PLXDC1: variants seen among roughly 807,000 people sequenced by gnomAD.
PLXDC1 encodes the protein plexin domain containing 1, also known as plexin domain-containing protein 1.
Under a neutral mutation model 61.3 loss-of-function variants are expected in PLXDC1, and 39 were observed. That is an observed-to-expected ratio of 0.64 (90% confidence interval 0.49 to 0.83). The LOEUF (loss-of-function observed/expected upper bound fraction) is 0.83, where lower values mean the gene tolerates loss of function less well. Ranked by LOEUF, PLXDC1 falls within the 40% of genes least tolerant of loss-of-function variation. The pLI, the probability that PLXDC1 is intolerant of heterozygous loss-of-function variation, is 0.00. For synonymous variants in PLXDC1, 212 were observed against 254.5 expected (o/e 0.83, Z 1.59); for missense variants, 596 against 666.5 (o/e 0.89, Z 1.17).
At position 39,108,980 on chromosome 17, in the gene PLXDC1, G is replaced by C; in HGVS notation, c.400-7C>G. ...CAAAGGACAAGACCACTCTCTGCAG[G>C]GGATGGGAGAAAGTCAGCACGGGCC... is the stretch of plus-strand genomic sequence containing the variant. On this transcript the variant is annotated splice_region_variant and splice_polypyrimidine_tract_variant and intron_variant, in intron 3 of 13. Transcript: ENST00000315392. The C allele has an allele frequency of 5.0e-6, 8 of 1,609,510 alleles. No homozygotes were observed. Among genetic ancestry groups the C allele is most frequent in the Non-Finnish European group, 6.8e-6 (8 of 1,176,166 alleles).
intron 7 of PLXDC1, among the ~76,000 whole-genome samples, chr17:39,092,271 C>T (rs1364648266): frequency 6.6e-6 from 1 of 151,774 alleles, no homozygotes; most frequent in African/African-American, 2.4e-5. Context: ...GATGGGTCTC[C>T]CTGTACTACC....
At chr17:39,128,107 A>ATACATATATACACATATATATG (rs1911387079) in intron 2 of PLXDC1, among the ~76,000 whole-genome samples, 1 of 100,632 alleles carries the variant, frequency 9.9e-6, no homozygotes. Context: ...GTATATATAT[A>ATACATATATACACATATATATG]TATATATGTA....
rs1449305786 is a variant in PLXDC1 at position 39,095,376 on chromosome 17, CCCCAACCCCCCAA to C, written c.812-7687_812-7675del. ...AGAATCCTTACGCCCCGCCCCCCCC[CCCCAACCCCCCAA>C]GCCTGGGTTATTTGTTTTGGATTGT... On this transcript the variant is annotated intron_variant, in intron 7 of 13. Transcript: ENST00000315392. Among the ~76,000 whole-genome samples, 23 of 7,730 alleles carry C rather than the reference CCCCAACCCCCCAA, an allele frequency of 3.0e-3. 8 individuals carry two copies. Among genetic ancestry groups the C allele is most frequent in the African/African-American group, 4.4e-3 (8 of 1,830 alleles). The allele number at this position is 7,730 out of a possible 152,430, so 5.1% of individuals were successfully genotyped here. A position where few individuals can be genotyped will look rare whatever the true frequency, so the allele number is the denominator to read the frequency against.
At chr17:39,144,453 C>A (rs1912030984) in intron 1 of PLXDC1, among the ~76,000 whole-genome samples, 1 of 152,212 alleles carries the variant, frequency 6.6e-6, no homozygotes, top group African/African-American at 2.4e-5. Flanking sequence ...AGCCCTGAAT[C>A]TTACTCTTCC....
intron 7 of PLXDC1, among the ~76,000 whole-genome samples, chr17:39,102,944 A>C (rs1440110800): frequency 6.6e-6 from 1 of 152,060 alleles, no homozygotes; most frequent in Non-Finnish European, 1.5e-5. Context: ...ATAACTTTAT[A>C]AATGAAGATA....
upstream of PLXDC1, chr17:39,152,429 T>C: frequency 1.1e-6 from 1 of 936,918 alleles, no homozygotes; most frequent in South Asian, 5.5e-5. Flanking sequence ...TGGGGATAGA[T>C]AATCTTTTTA....
At chr17:39,083,625 A>G in intron 8 of PLXDC1, 85 bp from the exon 9 acceptor site, 1 of 999,618 alleles carries the variant, frequency 1.0e-6, no homozygotes, top group Non-Finnish European at 1.6e-6. Flanking sequence ...TGGTATTTAC[A>G]GAACTATGGA....
In PLXDC1 at chr17:39,066,341, A is replaced by C. The variant is rs932093639; in HGVS notation, c.*1499T>G. ...TAAAGCCCTTGATGCAGGCTGTAACATGTTTTGATGCAGAAGTTATTGGTT... is the reference window on the plus strand; with the variant it reads ...TAAAGCCCTTGATGCAGGCTGTAACCTGTTTTGATGCAGAAGTTATTGGTT... On this transcript the variant is annotated 3_prime_UTR_variant, in exon 14 of 14. Coordinates refer to ENST00000315392, the MANE Select transcript of PLXDC1 (RefSeq NM_020405.5). The C allele has an allele frequency of 2.0e-5, 3 of 152,268 alleles. No homozygotes were observed. The highest frequency in any genetic ancestry group is 7.2e-5 in the African/African-American group (3 of 41,468). The allele number at this position is 152,268 out of a possible 1,614,324, so 9.4% of individuals were successfully genotyped here.
chr17:39,079,980 G>A (rs1598186595), intron 9 of PLXDC1: 1 of 190,544 alleles, frequency 5.2e-6, no homozygotes, highest in East Asian at 1.4e-4. Flanking sequence ...TTCTGCAGAT[G>A]CCTCTGGGCT....
At chr17:39,102,463 G>A (rs1223529465) in intron 7 of PLXDC1, among the ~76,000 whole-genome samples, 8 of 151,898 alleles carry the variant, frequency 5.3e-5, no homozygotes, top group Non-Finnish European at 1.2e-4. Context: ...AGAATATAGC[G>A]TACGGAAATA....
chr17:39,067,957 AC>A lies in PLXDC1; in HGVS notation c.1385del (p.Arg462LeufsTer9). The A allele has an allele frequency of 6.2e-7, 1 of 1,613,752 alleles. No homozygotes were observed. Among genetic ancestry groups the A allele is most frequent in the Non-Finnish European group, 8.5e-7 (1 of 1,179,922 alleles). ...TSNAALFFIE[R>X]RPHHWPAMKF... ...TCATGGCTGGCCAGTGGTGAGGTCT[AC>A]GCTGCAGAAGGCACAGAGGCAAAGT... On this transcript the variant is annotated frameshift_variant and splice_region_variant, in exon 14 of 14. Coordinates refer to ENST00000315392, the MANE Select transcript of PLXDC1 (RefSeq NM_020405.5). LOFTEE classifies it high-confidence loss of function.
intron 2 of PLXDC1, among the ~76,000 whole-genome samples, chr17:39,118,069 C>T (rs187533469): frequency 1.3e-3 from 107 of 81,790 alleles, no homozygotes; most frequent in African/African-American, 4.7e-3. Context: ...TCCTTCCCTC[C>T]CTCCCTCCCT....
chr17:39,115,155 G>C (rs1295139831), intron 2 of PLXDC1, among the ~76,000 whole-genome samples: 1 of 152,210 alleles, frequency 6.6e-6, no homozygotes, highest in Non-Finnish European at 1.5e-5. Context: ...ATGATCCCTG[G>C]ACTCATTCTT....
At chr17:39,142,505 G>A (rs1911967159) in intron 1 of PLXDC1, among the ~76,000 whole-genome samples, 1 of 152,142 alleles carries the variant, frequency 6.6e-6, no homozygotes, top group Admixed American at 6.5e-5. Flanking sequence ...CTCCTCTCCA[G>A]TTCCCTCTAG....
chr17:39,091,373 C>G (rs1405929762), intron 7 of PLXDC1, among the ~76,000 whole-genome samples: 2 of 152,192 alleles, frequency 1.3e-5, no homozygotes, highest in Non-Finnish European at 2.9e-5. Context: ...CTTGGTCTTC[C>G]TTTCCTACCA....
chr17:39,065,665 C>CA lies in PLXDC1; in HGVS notation c.*2174dup, dbSNP rs1466103707. On this transcript the variant is annotated 3_prime_UTR_variant, in exon 14 of 14. Coordinates refer to ENST00000315392, the MANE Select transcript of PLXDC1 (RefSeq NM_020405.5). ...TGCTGGGAGTACAGGCACGAGCCATCAGGCTTGGCCAAATAAGCGTTTATT... is the reference window on the plus strand; with the variant it reads ...TGCTGGGAGTACAGGCACGAGCCATCAAGGCTTGGCCAAATAAGCGTTTATT... The CA allele has an allele frequency of 2.0e-5, 3 of 152,186 alleles. No individual in the cohort carries two copies. Among genetic ancestry groups the CA allele is most frequent in the Non-Finnish European group, 2.9e-5 (2 of 68,064 alleles). The allele number at this position is 152,186 out of a possible 1,614,324, so 9.4% of individuals were successfully genotyped here.
intron 9 of PLXDC1, among the ~76,000 whole-genome samples, chr17:39,082,682 T>C (rs995083464): frequency 6.6e-6 from 1 of 152,122 alleles, no homozygotes; most frequent in Non-Finnish European, 1.5e-5. Context: ...TTGGAGTTCA[T>C]AGGACTTCCC....
chr17:39,096,801 A>C (rs1337904708), intron 7 of PLXDC1: 5 of 407,824 alleles, frequency 1.2e-5, no homozygotes, highest in South Asian at 5.4e-5. Flanking sequence ...CCATGAAATA[A>C]AGAGTTTCTT....
intron 2 of PLXDC1, among the ~76,000 whole-genome samples, chr17:39,130,272 G>A (rs1416102715): frequency 6.6e-6 from 1 of 152,144 alleles, no homozygotes; most frequent in Non-Finnish European, 1.5e-5. Context: ...GGGCAACTTA[G>A]TGAGATCTTG....
Sources: gnomAD v4.1 joint callset for allele counts (sites outside exome capture counted in the v4.1 genomes callset) on GRCh38, gnomAD v4.1.1 for gene constraint, MANE v1.5 for transcripts, NCBI Gene and HGNC (gene_info 2026-07-23, HGNC 2026-07-21) for gene names.